CDC14A: variants seen among roughly 807,000 people sequenced by gnomAD.
CDC14A encodes dual specificity protein phosphatase CDC14A.
In CDC14A, 53 loss-of-function variants were observed where a neutral mutation model predicts 74.4. That is an observed-to-expected ratio of 0.71 (90% CI 0.57 to 0.89). The LOEUF (loss-of-function observed/expected upper bound fraction) is 0.89, where lower values mean the gene tolerates loss of function less well. Ranked by LOEUF, CDC14A falls within the 40% of genes least tolerant of loss-of-function variation. The pLI, the probability that CDC14A is intolerant of heterozygous loss-of-function variation, is 0.00. For missense variants in CDC14A, 646 were observed against 713.7 expected (o/e 0.91, Z 1.08); for synonymous variants, 247 against 258.4 (o/e 0.96, Z 0.43).
intron 5 of CDC14A, among the ~76,000 whole-genome samples, chr1:100,432,094 G>GTTT (rs1468649037): frequency 1.3e-5 from 2 of 151,980 alleles, no homozygotes; most frequent in African/African-American, 4.8e-5. Flanking sequence ...CTGAGATTCT[G>GTTT]TTTTTTTGTT....
At chr1:100,428,101 C>T (rs1663172269) in intron 5 of CDC14A, among the ~76,000 whole-genome samples, 1 of 152,140 alleles carries the variant, frequency 6.6e-6, no homozygotes, top group South Asian at 2.1e-4. Flanking sequence ...AAAGAATGAT[C>T]TGATTTTATT....
intron 13 of CDC14A, among the ~76,000 whole-genome samples, chr1:100,496,666 T>G (rs1008792437): frequency 1.3e-5 from 2 of 152,166 alleles, no homozygotes; most frequent in Admixed American, 6.5e-5. Context: ...TAGGACTGTT[T>G]AGTGAGGGCA....
intron 7 of CDC14A, 50 bp from the exon 8 acceptor site, chr1:100,455,355 A>T (rs769016200): frequency 1.6e-6 from 2 of 1,226,948 alleles, no homozygotes; most frequent in African/African-American, 1.5e-5. Flanking sequence ...CCTAAATTGT[A>T]TAAGAATTAT....
chr1:100,511,759 C>T (rs1016343011), intron 15 of CDC14A, among the ~76,000 whole-genome samples: 1 of 152,200 alleles, frequency 6.6e-6, no homozygotes, highest in African/African-American at 2.4e-5. Context: ...ACCACTGCTG[C>T]CTTAATTGGG....
intron 11 of CDC14A, among the ~76,000 whole-genome samples, chr1:100,490,794 A>G (rs1670530179): frequency 6.6e-6 from 1 of 152,228 alleles, no homozygotes; most frequent in African/African-American, 2.4e-5. Flanking sequence ...TGGTAAACAT[A>G]AAAAAATTCT....
intron 2 of CDC14A, among the ~76,000 whole-genome samples, chr1:100,369,077 A>AC (rs1348918713): frequency 7.0e-6 from 1 of 143,454 alleles, no homozygotes; most frequent in Non-Finnish European, 1.5e-5. Context: ...TTGTTTTTTG[A>AC]CATTTTTTTT....
intron 7 of CDC14A, among the ~76,000 whole-genome samples, chr1:100,454,636 A>G (rs1009377287): frequency 5.9e-5 from 9 of 152,188 alleles, no homozygotes; most frequent in African/African-American, 2.2e-4. Flanking sequence ...CTGGTGCTCA[A>G]AGTCAGCCAA....
At chr1:100,415,187 A>G (rs940302557) in intron 4 of CDC14A, among the ~76,000 whole-genome samples, 1 of 152,192 alleles carries the variant, frequency 6.6e-6, no homozygotes, top group African/African-American at 2.4e-5. Context: ...TAAATTGCCC[A>G]TCAAAAAGCT....
At chr1:100,402,221 G>A (rs1246820781) in intron 4 of CDC14A, among the ~76,000 whole-genome samples, 5 of 151,742 alleles carry the variant, frequency 3.3e-5, no homozygotes, top group Admixed American at 6.6e-5. Flanking sequence ...ATTGTTTGCC[G>A]TGCCTGATAT....
chr1:100,513,384 G>C (rs1649944687), intron 15 of CDC14A, among the ~76,000 whole-genome samples: 1 of 152,044 alleles, frequency 6.6e-6, no homozygotes, highest in Non-Finnish European at 1.5e-5. Flanking sequence ...ACTTAAACCA[G>C]GGATAACTAG....
intron 11 of CDC14A, among the ~76,000 whole-genome samples, chr1:100,487,296 C>T (rs544571): frequency 0.048 from 7,280 of 152,260 alleles, 211 homozygotes; most frequent in African/African-American, 0.085. Flanking sequence ...TGGTGGCTTA[C>T]GCCTGTAATC....
chr1:100,480,644 C>T (rs923660699), intron 10 of CDC14A, among the ~76,000 whole-genome samples: 1 of 152,162 alleles, frequency 6.6e-6, no homozygotes, highest in African/African-American at 2.4e-5. Context: ...TTCTCTGTAT[C>T]CTTACCATGA....
intron 4 of CDC14A, among the ~76,000 whole-genome samples, chr1:100,402,360 A>C (rs984030730): frequency 1.3e-5 from 2 of 152,182 alleles, no homozygotes; most frequent in Admixed American, 1.3e-4. Flanking sequence ...CCCCATGCAG[A>C]GCTACAGGCT....
Position 100,518,502 on chromosome 1 carries a change from A to G in CDC14A, c.*222A>G. 1 of 459,992 alleles carries G rather than the reference A, an allele frequency of 2.2e-6. No individual in the cohort carries two copies. Among genetic ancestry groups the G allele is most frequent in the Non-Finnish European group, 3.9e-6 (1 of 255,278 alleles). The allele number at this position is 459,992 out of a possible 1,614,324, so 28.5% of individuals were successfully genotyped here. On this transcript the variant is annotated 3_prime_UTR_variant, in exon 16 of 16. Transcript: ENST00000336454. ...AAACTATGTTTATGGAGATTTCCAT[A>G]CTTTTAAAGACAGTTTTAATGTTGA...
At chr1:100,443,070 A>C in intron 7 of CDC14A, 74 bp downstream of exon 7, 1 of 974,378 alleles carries the variant, frequency 1.0e-6, no homozygotes, top group Non-Finnish European at 1.6e-6. Context: ...ACACTCATGT[A>C]TTGCAAATCG....
At chr1:100,414,498 C>A (rs188572747) in intron 4 of CDC14A, among the ~76,000 whole-genome samples, 1 of 152,142 alleles carries the variant, frequency 6.6e-6, no homozygotes, top group Non-Finnish European at 1.5e-5. Context: ...AGTTATGGTT[C>A]CTTGCCTTGT....
At chr1:100,409,539 A>G (rs1486540236) in intron 4 of CDC14A, among the ~76,000 whole-genome samples, 2 of 152,232 alleles carry the variant, frequency 1.3e-5, no homozygotes, top group Non-Finnish European at 2.9e-5. Context: ...TCCTAGATAC[A>G]ATGGGGGTAC....
At chr1:100,363,642 T>G (rs1482140670) in intron 2 of CDC14A, among the ~76,000 whole-genome samples, 5 of 152,058 alleles carry the variant, frequency 3.3e-5, no homozygotes, top group Admixed American at 3.3e-4. Context: ...AATTTAATTT[T>G]CTTTTGAGAA....
chr1:100,420,346 C>G (rs887570032), intron 4 of CDC14A, among the ~76,000 whole-genome samples: 1 of 151,222 alleles, frequency 6.6e-6, no homozygotes, highest in African/African-American at 2.4e-5. Context: ...TTGTAAATTC[C>G]AAAATGCTTC....
Sources: allele counts gnomAD v4.1 joint callset (sites outside exome capture counted in the v4.1 genomes callset), GRCh38; gene constraint gnomAD v4.1.1; transcripts MANE v1.5; gene names NCBI Gene and HGNC (gene_info 2026-07-23, HGNC 2026-07-21).